The following KDM6A variants were observed in gnomAD, a reference collection of about 807,000 sequenced individuals.
KDM6A encodes lysine demethylase 6A, also known as lysine-specific demethylase 6A.
In KDM6A, 11 loss-of-function variants were observed where a neutral mutation model predicts 117.6. That is an observed-to-expected ratio of 0.09 (90% CI 0.06 to 0.15). KDM6A has a LOEUF of 0.15. KDM6A is among the 10% of genes least tolerant of loss of function. The pLI is 1.00. For synonymous variants in KDM6A, 384 were observed against 396.1 expected (o/e 0.97, Z 0.36); for missense variants, 799 against 1,077.3 (o/e 0.74, Z 3.62).
chrX:45,086,304 A>G (rs1017458827), intron 25 of KDM6A: 8 of 228,783 alleles, frequency 3.5e-5, no homozygotes, highest in African/African-American at 2.3e-4. Flanking sequence ...TTGTTTTGTT[A>G]TAAATGGTTT....
chrX:44,920,693 C>T (rs7883532), intron 2 of KDM6A, among the ~76,000 whole-genome samples: 7,884 of 109,193 alleles, frequency 0.072, 654 homozygotes, highest in African/African-American at 0.24. Flanking sequence ...ACCTCGGCCT[C>T]CTAAAGTGCT....
chrX:44,938,160 A>C (rs1349335578), intron 2 of KDM6A, among the ~76,000 whole-genome samples: 1 of 111,181 alleles, frequency 9.0e-6, no homozygotes, highest in African/African-American at 3.3e-5. Flanking sequence ...GGGTCTTGCT[A>C]TGTTGTCTAG....
chrX:44,986,087 T>G (rs1321116757), intron 4 of KDM6A, among the ~76,000 whole-genome samples: 1 of 111,165 alleles, frequency 9.0e-6, no homozygotes, highest in Non-Finnish European at 1.9e-5. Flanking sequence ...CAATTTCAGA[T>G]CCTGTTATTG....
intron 17 of KDM6A, among the ~76,000 whole-genome samples, chrX:45,064,457 A>G (rs1044839873): frequency 8.9e-6 from 1 of 112,278 alleles, no homozygotes; most frequent in Non-Finnish European, 1.9e-5. Flanking sequence ...GAAACAGAGT[A>G]ATGAATTGCA....
intron 2 of KDM6A, among the ~76,000 whole-genome samples, chrX:44,911,217 C>T (rs1474860826): frequency 9.0e-6 from 1 of 110,791 alleles, no homozygotes; most frequent in East Asian, 2.9e-4. Flanking sequence ...GGAGACACTC[C>T]TCACTTCCCG....
At chrX:44,884,012 G>A (rs2032577956) in intron 2 of KDM6A, among the ~76,000 whole-genome samples, 1 of 101,623 alleles carries the variant, frequency 9.8e-6, no homozygotes. Flanking sequence ...TGAGGCAGGA[G>A]AATAGCTTGA....
intron 6 of KDM6A, among the ~76,000 whole-genome samples, chrX:45,031,027 G>A (rs2042582329): frequency 8.9e-6 from 1 of 112,184 alleles, no homozygotes; most frequent in African/African-American, 3.2e-5. Context: ...GTGGCAGTCT[G>A]TAACAATGAA....
intron 2 of KDM6A, among the ~76,000 whole-genome samples, chrX:44,943,052 A>G (rs1347363925): frequency 9.0e-6 from 1 of 111,554 alleles, no homozygotes; most frequent in East Asian, 2.8e-4. Flanking sequence ...ATATCCGTAT[A>G]TGTTGTAAAC....
At chrX:44,977,931 T>C (rs2039695479) in intron 4 of KDM6A, among the ~76,000 whole-genome samples, 1 of 112,478 alleles carries the variant, frequency 8.9e-6, no homozygotes, top group Non-Finnish European at 1.9e-5. Flanking sequence ...TGTAGCTATA[T>C]AACATGTATT....
Position 45,007,238 on chromosome X carries a change from A to G in KDM6A, c.385-3723A>G, listed in dbSNP as rs150443653. ...GAAAAATGCCCAGAAAAGCCTCACC[A>G]TGGCAGTGCCTCTACTCAGTCCTCT... On this transcript the variant is annotated intron_variant, in intron 4 of 29. Coordinates refer to ENST00000611820, the MANE Select transcript of KDM6A (RefSeq NM_001291415.2). Among the ~76,000 whole-genome samples, 12 of 112,150 alleles carry G rather than the reference A, an allele frequency of 1.1e-4. 1 individual carries two copies. In the East Asian group the frequency reaches 3.3e-3, roughly 31 times the overall value.
intron 2 of KDM6A, among the ~76,000 whole-genome samples, chrX:44,928,761 T>C (rs1442957012): frequency 1.8e-5 from 2 of 111,308 alleles, no homozygotes; most frequent in African/African-American, 6.5e-5. Flanking sequence ...GCAGCAGTTA[T>C]CTGGGTGGTA....
intron 4 of KDM6A, among the ~76,000 whole-genome samples, chrX:44,982,728 C>G (rs543872082): frequency 1.8e-5 from 2 of 111,475 alleles, no homozygotes; most frequent in East Asian, 5.6e-4. Context: ...TTGTGCTGGC[C>G]GTATTTTCCT....
At chrX:44,905,665 A>G (rs1041281337) in intron 2 of KDM6A, among the ~76,000 whole-genome samples, 2 of 111,806 alleles carry the variant, frequency 1.8e-5, no homozygotes. Context: ...TAATTGTTCT[A>G]TGTCTGGTTA....
At chrX:44,892,198 A>AT (rs970214633) in intron 2 of KDM6A, among the ~76,000 whole-genome samples, 12 of 112,445 alleles carry the variant, frequency 1.1e-4, no homozygotes, top group African/African-American at 3.9e-4. Flanking sequence ...TGATTTAGCT[A>AT]TTCTGAGATC....
At chrX:45,005,395 G>T (rs1260837826) in intron 4 of KDM6A, among the ~76,000 whole-genome samples, 3 of 110,829 alleles carry the variant, frequency 2.7e-5, no homozygotes, top group Non-Finnish European at 5.7e-5. Context: ...GCCAGATTGG[G>T]TTCTTCCCTA....
intron 8 of KDM6A, among the ~76,000 whole-genome samples, chrX:45,039,352 G>A (rs1602673878): frequency 9.1e-6 from 1 of 110,381 alleles, no homozygotes; most frequent in Admixed American, 9.7e-5. Context: ...TGCCGGAGAT[G>A]GAATTCTGTT....
chrX:44,893,033 A>G (rs1377589048), intron 2 of KDM6A, among the ~76,000 whole-genome samples: 1 of 101,558 alleles, frequency 9.8e-6, no homozygotes, highest in African/African-American at 3.6e-5. Flanking sequence ...AAATAGCCAG[A>G]TGTTGTGGTA....
chrX:44,914,068 T>G (rs756586696), intron 2 of KDM6A, among the ~76,000 whole-genome samples: 2 of 112,367 alleles, frequency 1.8e-5, no homozygotes, highest in South Asian at 7.4e-4. Context: ...TTGTTTGGTG[T>G]GCTCTCCTGG....
At chrX:45,104,520 A>G (rs1367373526) in intron 27 of KDM6A, among the ~76,000 whole-genome samples, 4 of 112,005 alleles carry the variant, frequency 3.6e-5, no homozygotes, top group Non-Finnish European at 7.5e-5. Flanking sequence ...TAAATATTAT[A>G]TGTTTCTTTA....
Sources: allele counts gnomAD v4.1 joint callset (sites outside exome capture counted in the v4.1 genomes callset), GRCh38; gene constraint gnomAD v4.1.1; transcripts MANE v1.5; gene names NCBI Gene and HGNC (gene_info 2026-07-23, HGNC 2026-07-21).